Variants in RBFOX1 observed in about 807,000 individuals in gnomAD.
RBFOX1 encodes the protein RNA binding protein fox-1 homolog 1.
Under a neutral mutation model 57.7 loss-of-function variants are expected in RBFOX1, and 8 were observed. The observed-to-expected ratio is 0.14, with a 90% CI of 0.08 to 0.25. The LOEUF is 0.25. RBFOX1 is among the 10% of genes least tolerant of loss of function. The pLI, the probability that RBFOX1 is intolerant of heterozygous loss-of-function variation, is 1.00. For missense variants in RBFOX1, 611 were observed against 548.5 expected, an observed-to-expected ratio of 1.11 and a Z score of -1.14; for synonymous variants, 326 against 222.4, an observed-to-expected ratio of 1.47 and a Z score of -4.15.
chr16:6,086,065 C>A (rs1036801658), intron 1 of RBFOX1, among the ~76,000 whole-genome samples: 4 of 152,050 alleles, frequency 2.6e-5, no homozygotes, highest in African/African-American at 9.7e-5. Context: ...TGAGTGAGAA[C>A]ATGTGGTGTT....
chr16:6,798,839 C>T (rs981042562), intron 3 of RBFOX1, among the ~76,000 whole-genome samples: 10 of 152,036 alleles, frequency 6.6e-5, no homozygotes, highest in African/African-American at 2.4e-4. Context: ...TAGGATGCTT[C>T]GGGGAGTGTA....
At chr16:7,091,028 C>A (rs1327766140) in intron 4 of RBFOX1, among the ~76,000 whole-genome samples, 2 of 152,196 alleles carry the variant, frequency 1.3e-5, no homozygotes, top group Non-Finnish European at 2.9e-5. Context: ...AATTCACAAA[C>A]AGGATACAAA....
intron 1 of RBFOX1, among the ~76,000 whole-genome samples, chr16:5,463,823 A>G (rs2068870440): frequency 6.6e-6 from 1 of 152,092 alleles, no homozygotes; most frequent in Non-Finnish European, 1.5e-5. Flanking sequence ...GAAATAATAA[A>G]AAAAAATCCA....
intron 3 of RBFOX1, among the ~76,000 whole-genome samples, chr16:6,986,058 T>G (rs572915537): frequency 4.3e-4 from 65 of 151,732 alleles, no homozygotes; most frequent in African/African-American, 1.4e-3. Flanking sequence ...TTTTTAAATT[T>G]CATTTGTCTT....
At chr16:5,661,472 C>G (rs533190606) in intron 3 of RBFOX1, among the ~76,000 whole-genome samples, 1 of 152,192 alleles carries the variant, frequency 6.6e-6, no homozygotes, top group Non-Finnish European at 1.5e-5. Flanking sequence ...TTCATATTAC[C>G]TAGTCTCCAG....
At chr16:5,654,543 A>C (rs1028661082) in intron 3 of RBFOX1, among the ~76,000 whole-genome samples, 1 of 152,082 alleles carries the variant, frequency 6.6e-6, no homozygotes, top group African/African-American at 2.4e-5. Flanking sequence ...GACTCCAAGC[A>C]CAGGACTTTC....
intron 3 of RBFOX1, among the ~76,000 whole-genome samples, chr16:7,038,687 G>A (rs2045257509): frequency 6.6e-6 from 1 of 152,148 alleles, no homozygotes; most frequent in South Asian, 2.1e-4. Context: ...CATTCTTGCA[G>A]AAAGCAGATG....
At chr16:7,255,033 CT>C (rs1442373310) in intron 4 of RBFOX1, among the ~76,000 whole-genome samples, 8 of 152,084 alleles carry the variant, frequency 5.3e-5, no homozygotes, top group Non-Finnish European at 1.2e-4. Context: ...AATTTTGGAA[CT>C]TTATAACAGT....
chr16:6,574,755 C>T (rs1166616380), intron 2 of RBFOX1, among the ~76,000 whole-genome samples: 1 of 142,946 alleles, frequency 7.0e-6, no homozygotes, highest in African/African-American at 2.5e-5. Flanking sequence ...CCAGCAACCA[C>T]GGGCTGGGCG....
intron 4 of RBFOX1, among the ~76,000 whole-genome samples, chr16:7,133,816 G>C (rs998196194): frequency 1.8e-4 from 28 of 152,088 alleles, no homozygotes; most frequent in African/African-American, 6.5e-4. Flanking sequence ...CTTCTTTGCT[G>C]TCAGCCCTTT....
intron 2 of RBFOX1, among the ~76,000 whole-genome samples, chr16:6,352,257 T>G (rs1414903127): frequency 2.0e-5 from 3 of 152,188 alleles, no homozygotes; most frequent in African/African-American, 7.2e-5. Flanking sequence ...CTCCATCTAG[T>G]TTATAAATGC....
At chr16:6,925,645 A>G (rs941902623) in intron 3 of RBFOX1, among the ~76,000 whole-genome samples, 10 of 152,004 alleles carry the variant, frequency 6.6e-5, no homozygotes, top group Non-Finnish European at 1.3e-4. Context: ...AGTGGCTACA[A>G]AGGGCTTAGG....
chr16:5,814,502 A>G (rs2055550689), intron 3 of RBFOX1, among the ~76,000 whole-genome samples: 1 of 152,200 alleles, frequency 6.6e-6, no homozygotes. Context: ...CCAGAATTCC[A>G]TCAATGCCCA....
intron 4 of RBFOX1, among the ~76,000 whole-genome samples, chr16:7,254,019 G>C (rs1440021456): frequency 6.6e-6 from 1 of 152,142 alleles, no homozygotes; most frequent in Non-Finnish European, 1.5e-5. Context: ...GGGATGGAAA[G>C]TGTAAATCCT....
chr16:7,417,402 A>G (rs897559881), intron 4 of RBFOX1, among the ~76,000 whole-genome samples: 1 of 146,804 alleles, frequency 6.8e-6, no homozygotes, highest in African/African-American at 2.5e-5. Flanking sequence ...AGATGACCCC[A>G]TATCCTGTTC....
intron 4 of RBFOX1, among the ~76,000 whole-genome samples, chr16:5,897,399 C>A (rs1329104092): frequency 6.6e-6 from 1 of 152,162 alleles, no homozygotes; most frequent in African/African-American, 2.4e-5. Flanking sequence ...TCTTTATCCA[C>A]CCTCCTTAAA....
At position 5,657,734 on chromosome 16, in the gene RBFOX1, TTTC is replaced by T. The variant is rs1170189180; in HGVS notation, c.318+58776_318+58778del. ...TCTCTCTTTCTTTTGTTTCTTTTCTTTTCTTTTTTTTTTTTTGAGACAGAATCT... is the reference window on the plus strand; with the variant it reads ...TCTCTCTTTCTTTTGTTTCTTTTCTTTTTTTTTTTTTTTGAGACAGAATCT... On this transcript the variant is annotated intron_variant, in intron 3 of 19. Coordinates refer to the RBFOX1 transcript ENST00000641259. Among the ~76,000 whole-genome samples the T allele has an allele frequency of 3.3e-5, 4 of 121,834 alleles. 1 individual carries two copies. Among genetic ancestry groups the T allele is most frequent in the Non-Finnish European group, 7.0e-5 (4 of 57,398 alleles). 79.9% of individuals were successfully genotyped at this position (121,834 alleles called of 152,430 possible).
At chr16:7,098,670 G>T (rs920640346) in intron 4 of RBFOX1, among the ~76,000 whole-genome samples, 1 of 152,106 alleles carries the variant, frequency 6.6e-6, no homozygotes, top group Admixed American at 6.5e-5. Flanking sequence ...TGATGATCTT[G>T]GCTGGGTGGT....
intron 4 of RBFOX1, among the ~76,000 whole-genome samples, chr16:5,944,225 G>C (rs916962957): frequency 1.3e-5 from 2 of 152,324 alleles, no homozygotes; most frequent in South Asian, 4.2e-4. Context: ...GAAAGAACGA[G>C]ATACATGGGC....
Sources: allele counts gnomAD v4.1 joint callset (sites outside exome capture counted in the v4.1 genomes callset), GRCh38; gene constraint gnomAD v4.1.1; transcripts MANE v1.5; gene names NCBI Gene and HGNC (gene_info 2026-07-23, HGNC 2026-07-21).